MAPT: variants seen among roughly 807,000 people sequenced by gnomAD.
The protein encoded by MAPT is microtubule-associated protein tau.
Under a neutral mutation model 67.9 loss-of-function variants are expected in MAPT, and 34 were observed. The ratio of observed to expected loss-of-function variants is 0.50; its 90% CI spans 0.38 to 0.67. The LOEUF (loss-of-function observed/expected upper bound fraction) is 0.67. Ranked by LOEUF, MAPT falls within the 30% of genes least tolerant of loss-of-function variation. The pLI, the probability that MAPT is intolerant of heterozygous loss-of-function variation, is 0.00. For synonymous variants in MAPT, 456 were observed against 464.5 expected (o/e 0.98, Z 0.23); for missense variants, 881 against 1,115.2 (o/e 0.79, Z 2.99).
chr17:45,934,591 G>A (rs2067149799), intron 1 of MAPT, among the ~76,000 whole-genome samples: 1 of 151,740 alleles, frequency 6.6e-6, no homozygotes, highest in African/African-American at 2.4e-5. Context: ...GACAGCCACT[G>A]GCTAGTTAGA....
At chr17:46,015,332 C>T (rs2076101337) in intron 11 of MAPT, among the ~76,000 whole-genome samples, 1 of 151,336 alleles carries the variant, frequency 6.6e-6, no homozygotes, top group South Asian at 2.1e-4. Context: ...TGCACTCCAG[C>T]CTGGGTGACA....
chr17:45,993,949 A>G, intron 8 of MAPT: 1 of 1,574,312 alleles, frequency 6.4e-7, no homozygotes, highest in Non-Finnish European at 8.6e-7. Context: ...AGAGAAGACC[A>G]CCCCCTGCAG....
At chr17:46,017,197 A>G (rs1378212232) in intron 11 of MAPT, among the ~76,000 whole-genome samples, 1 of 152,180 alleles carries the variant, frequency 6.6e-6, no homozygotes, top group African/African-American at 2.4e-5. Context: ...CTTTCCCTGG[A>G]AAGTCCTGTG....
intron 9 of MAPT, among the ~76,000 whole-genome samples, chr17:46,007,248 G>T (rs1336719843): frequency 1.3e-5 from 2 of 152,180 alleles, no homozygotes; most frequent in Non-Finnish European, 2.9e-5. Flanking sequence ...GCTTTGTGAG[G>T]CTGAGGTGAG....
intron 1 of MAPT, among the ~76,000 whole-genome samples, chr17:45,946,615 A>AAAAAATATATATATATATAT: frequency 4.0e-5 from 4 of 100,372 alleles, no homozygotes; most frequent in Admixed American, 1.1e-4. Flanking sequence ...AAAAAAAAAA[A>AAAAAATATATATATATATAT]ATATATATAT....
At chr17:45,918,332 C>T (rs1027997327) in intron 1 of MAPT, among the ~76,000 whole-genome samples, 1 of 152,186 alleles carries the variant, frequency 6.6e-6, no homozygotes, top group African/African-American at 2.4e-5. Context: ...TCCTGCCACT[C>T]TGCAGAGCCA....
chr17:45,941,721 T>TG (rs1568208361), intron 1 of MAPT, among the ~76,000 whole-genome samples: 17 of 124,726 alleles, frequency 1.4e-4, no homozygotes, highest in Admixed American at 6.8e-4. Flanking sequence ...CTTCCTTCCT[T>TG]CCTTCCTTCC....
intron 9 of MAPT, among the ~76,000 whole-genome samples, chr17:46,000,587 A>G (rs556596824): frequency 4.6e-5 from 7 of 152,294 alleles, no homozygotes; most frequent in Non-Finnish European, 7.4e-5. Context: ...ACATCATTCC[A>G]GTGCCCGAGC....
intron 1 of MAPT, among the ~76,000 whole-genome samples, chr17:45,934,627 G>A (rs949261394): frequency 6.6e-6 from 1 of 152,198 alleles, no homozygotes; most frequent in African/African-American, 2.4e-5. Context: ...AGATGCAGGC[G>A]TGGACTTGCG....
Position 45,971,986 on chromosome 17 carries a change from G to A in MAPT, c.220+41G>A, listed in dbSNP as rs1460471923. 1.7e-5 allele frequency: 25 copies of A among 1,476,498 alleles called. No individual in the cohort carries two copies. Among genetic ancestry groups the A allele is most frequent in the Non-Finnish European group, 2.4e-5 (25 of 1,056,078 alleles). 91.5% of individuals were successfully genotyped at this position (1,476,498 alleles called of 1,614,324 possible). A position where few individuals can be genotyped will look rare whatever the true frequency, so the allele number is the denominator to read the frequency against. On this transcript the variant is annotated intron_variant, in intron 3 of 12. Coordinates refer to ENST00000262410, the MANE Select transcript of MAPT (RefSeq NM_001377265.1). The surrounding 1 kb of genome is among the most constrained non-coding windows in gnomAD (Gnocchi z 4.3). ...GACGCCCCCTCCATGCCTCCAGCCT[G>A]TGCTTAGCCGTGCTTTGAGCCTCCC...
chr17:46,023,866 GCAC>G (rs1377750940), intron 12 of MAPT, 87 bp from the exon 13 acceptor site: 1 of 1,080,232 alleles, frequency 9.3e-7, no homozygotes, highest in Non-Finnish European at 1.4e-6. Context: ...ACAGTCCCTG[GCAC>G]TCTGGGCCAG....
chr17:46,016,264 T>C (rs2076170103), intron 11 of MAPT, among the ~76,000 whole-genome samples: 1 of 151,538 alleles, frequency 6.6e-6, no homozygotes, highest in Admixed American at 6.6e-5. Context: ...TGGTGGCACA[T>C]GCCTGTAATC....
chr17:45,957,198 G>C (rs1321828158), intron 1 of MAPT, among the ~76,000 whole-genome samples: 1 of 152,078 alleles, frequency 6.6e-6, no homozygotes, highest in Non-Finnish European at 1.5e-5. Flanking sequence ...GGTTGAACTA[G>C]TTTACAGTCC....
At chr17:45,917,770 C>CT (rs66632770) in intron 1 of MAPT, among the ~76,000 whole-genome samples, 2,567 of 139,540 alleles carry the variant, frequency 0.018, 70 homozygotes, top group African/African-American at 0.058. Flanking sequence ...ATTCCAGCGT[C>CT]TTTTTTTTTT....
chr17:45,954,439 T>C (rs1213091868), intron 1 of MAPT, among the ~76,000 whole-genome samples: 1 of 151,962 alleles, frequency 6.6e-6, no homozygotes, highest in African/African-American at 2.4e-5. Flanking sequence ...CTGGGCAACA[T>C]AGTAAGACTC....
Position 45,996,372 on chromosome 17 carries a change from G to A in MAPT, c.1733-27G>A, listed in dbSNP as rs773982630. On this transcript the variant is annotated intron_variant, in intron 8 of 12. Transcript: ENST00000262410. This position sits in a 1 kb window ranked among gnomAD's most constrained non-coding sequence, Gnocchi z 4.5. ...TTCTGACCCCACCCACTCGAGTCCTGGCTTCACTCCCTTCCTTCCTTCCCA... is the reference window on the plus strand; with the variant it reads ...TTCTGACCCCACCCACTCGAGTCCTAGCTTCACTCCCTTCCTTCCTTCCCA... 7 of 1,608,192 alleles carry A rather than the reference G, an allele frequency of 4.4e-6. No individual in the cohort carries two copies. The East Asian group carries it at 1.1e-4, about 26-fold the overall frequency.
rs576650073 is a variant in MAPT at position 45,924,028 on chromosome 17, G to C, written c.-18+29342G>C. ...TGTAAGTGTTCGATTTAAAATGAAA[G>C]ACCCTTAAATACATTCTTTGTTCAT... On this transcript the variant is annotated intron_variant, in intron 1 of 12. Transcript: ENST00000262410. 9.2e-5 allele frequency among the ~76,000 whole-genome samples: 14 copies of C among 152,326 alleles called. 1 individual carries two copies. In the South Asian group the frequency reaches 2.9e-3, roughly 32 times the overall value.
intron 1 of MAPT, among the ~76,000 whole-genome samples, chr17:45,959,208 C>A (rs367844377): frequency 6.6e-6 from 1 of 152,216 alleles, no homozygotes; most frequent in Admixed American, 6.5e-5. Flanking sequence ...CTGCCCTCCA[C>A]GTACAGCCTC....
At chr17:45,958,538 T>C (rs2069996999) in intron 1 of MAPT, among the ~76,000 whole-genome samples, 1 of 151,826 alleles carries the variant, frequency 6.6e-6, no homozygotes, top group African/African-American at 2.4e-5. Flanking sequence ...CTGAGCAACA[T>C]GGTGAAACCC....
Sources: gnomAD v4.1 joint callset for allele counts (sites outside exome capture counted in the v4.1 genomes callset) on GRCh38, gnomAD v4.1.1 for gene constraint, Gnocchi (gnomAD v3.1) non-coding constraint, MANE v1.5 for transcripts, NCBI Gene and HGNC (gene_info 2026-07-23, HGNC 2026-07-21) for gene names.